Variants in EXOC4 observed in about 807,000 individuals in gnomAD.
EXOC4 encodes the protein SEC8-like 1.
In EXOC4, 71 loss-of-function variants were observed where a neutral mutation model predicts 107.2. The observed-to-expected ratio is 0.66, with a 90% CI of 0.55 to 0.81. The LOEUF is 0.81. EXOC4 is among the 30% of genes least tolerant of loss of function. The pLI, the probability that EXOC4 is intolerant of heterozygous loss-of-function variation, is 0.00. For synonymous variants in EXOC4, 456 were observed against 441.2 expected (o/e 1.03, Z -0.42); for missense variants, 1,108 against 1,189.6 (o/e 0.93, Z 1.01).
chr7:133,912,562 A>G (rs1219020398), intron 12 of EXOC4, among the ~76,000 whole-genome samples: 1 of 152,208 alleles, frequency 6.6e-6, no homozygotes, highest in Non-Finnish European at 1.5e-5. Context: ...TAAAACGGAA[A>G]CCATTAAGAT....
At chr7:134,052,629 A>G (rs1472811566) in intron 17 of EXOC4, among the ~76,000 whole-genome samples, 8 of 152,244 alleles carry the variant, frequency 5.3e-5, no homozygotes, top group Non-Finnish European at 1.2e-4. Context: ...CATTTGTATT[A>G]TATCACATAG....
chr7:133,531,787 T>G (rs1252825656), intron 9 of EXOC4, among the ~76,000 whole-genome samples: 1 of 152,122 alleles, frequency 6.6e-6, no homozygotes, highest in East Asian at 1.9e-4. Flanking sequence ...TCAAAAAATC[T>G]TCCTTTTGAA....
intron 14 of EXOC4, among the ~76,000 whole-genome samples, chr7:133,953,539 T>C (rs953911338): frequency 3.3e-5 from 5 of 152,060 alleles, no homozygotes; most frequent in South Asian, 2.1e-4. Flanking sequence ...TGGTCCCAGC[T>C]ACTAGGGAGG....
chr7:133,817,209 G>T, intron 10 of EXOC4, 116 bp from the exon 11 acceptor site: 3 of 660,140 alleles, frequency 4.5e-6, no homozygotes, highest in Non-Finnish European at 5.3e-6. Flanking sequence ...GAGTATTATT[G>T]ATGACCTGCC....
rs2150793459 is a variant in EXOC4 at position 133,442,289 on chromosome 7, A to T, written c.1183-33039A>T. 2.0e-5 allele frequency among the ~76,000 whole-genome samples: 3 copies of T among 152,330 alleles called. 1 individual carries two copies. In the South Asian group the frequency reaches 6.2e-4, roughly 32 times the overall value. ...GCCTAGCGTGAAGTGAGGGGAACAG[A>T]ATAAGGACAATGAGAATAGAAAGAG... On this transcript the variant is annotated intron_variant, in intron 7 of 17. Transcript: ENST00000253861.
intron 17 of EXOC4, among the ~76,000 whole-genome samples, chr7:134,048,095 A>G (rs1795697417): frequency 1.3e-5 from 2 of 152,236 alleles, no homozygotes; most frequent in Admixed American, 1.3e-4. Context: ...ACATTTCCCA[A>G]GTGGGGGCCA....
At chr7:133,321,762 C>T (rs767434551) in intron 5 of EXOC4, among the ~76,000 whole-genome samples, 17 of 152,084 alleles carry the variant, frequency 1.1e-4, no homozygotes, top group Admixed American at 2.6e-4. Flanking sequence ...CAGGGTCAAA[C>T]GGTATTTTTG....
the EXOC4 span, among the ~76,000 whole-genome samples, chr7:134,089,310 A>G: frequency 1.3e-5 from 2 of 152,330 alleles, no homozygotes; most frequent in African/African-American, 2.4e-5. Flanking sequence ...ATGACTTCTT[A>G]TAATCTTTTA....
chr7:133,325,593 T>C (rs1253263284), intron 5 of EXOC4, among the ~76,000 whole-genome samples: 2 of 152,258 alleles, frequency 1.3e-5, no homozygotes, highest in Admixed American at 6.5e-5. Flanking sequence ...GTTAGTCTGA[T>C]GGGCTTCCCT....
At chr7:133,897,155 A>C (rs1212996808) in intron 12 of EXOC4, among the ~76,000 whole-genome samples, 1 of 151,954 alleles carries the variant, frequency 6.6e-6, no homozygotes, top group Non-Finnish European at 1.5e-5. Context: ...GCAAGGAAGC[A>C]GTGTTTACGG....
chr7:133,926,518 C>T (rs1156312995), intron 13 of EXOC4, among the ~76,000 whole-genome samples: 1 of 152,078 alleles, frequency 6.6e-6, no homozygotes, highest in Non-Finnish European at 1.5e-5. Context: ...TCTCTCCTTT[C>T]CAATAACAGG....
intron 7 of EXOC4, among the ~76,000 whole-genome samples, chr7:133,443,945 G>C (rs1798161177): frequency 6.6e-6 from 1 of 152,180 alleles, no homozygotes. Context: ...TGCCAGGCAG[G>C]ACCAGGGACA....
At chr7:133,823,606 G>C (rs1018105081) in intron 11 of EXOC4, among the ~76,000 whole-genome samples, 1 of 151,300 alleles carries the variant, frequency 6.6e-6, no homozygotes, top group African/African-American at 2.4e-5. Context: ...CTTGAGGTCA[G>C]CAGTTCAAGA....
At chr7:134,002,612 TTAA>T (rs763218297) in intron 15 of EXOC4, among the ~76,000 whole-genome samples, 2 of 152,022 alleles carry the variant, frequency 1.3e-5, no homozygotes, top group African/African-American at 4.8e-5. Flanking sequence ...CTCTCAAAAC[TTAA>T]TAATAAGAAA....
chr7:133,568,899 C>T (rs1800962284), intron 9 of EXOC4, among the ~76,000 whole-genome samples: 1 of 152,100 alleles, frequency 6.6e-6, no homozygotes, highest in South Asian at 2.1e-4. Context: ...AGAACAGATA[C>T]AGTCTGAATT....
chr7:133,992,116 G>A (rs574264040), intron 14 of EXOC4, among the ~76,000 whole-genome samples: 2 of 152,164 alleles, frequency 1.3e-5, no homozygotes, highest in African/African-American at 4.8e-5. Flanking sequence ...TTTTGTGTGT[G>A]TGTCTTCAAT....
chr7:133,691,170 T>G (rs1373062169), intron 10 of EXOC4, among the ~76,000 whole-genome samples: 2 of 152,184 alleles, frequency 1.3e-5, no homozygotes, highest in African/African-American at 2.4e-5. Flanking sequence ...ACAGATGCAA[T>G]TAAGTAAGCT....
At chr7:133,374,375 A>T (rs6952293) in intron 6 of EXOC4, among the ~76,000 whole-genome samples, 9,613 of 152,144 alleles carry the variant, frequency 0.063, 1,063 homozygotes, top group African/African-American at 0.22. Flanking sequence ...TTCCATGACT[A>T]AATGGATTAA....
chr7:133,977,764 G>A (rs1003752592), intron 14 of EXOC4, among the ~76,000 whole-genome samples: 1 of 151,330 alleles, frequency 6.6e-6, no homozygotes, highest in Non-Finnish European at 1.5e-5. Flanking sequence ...GTGTGTGTGT[G>A]TGTTTGTTTG....
Sources: gnomAD v4.1 joint callset for allele counts (sites outside exome capture counted in the v4.1 genomes callset) on GRCh38, gnomAD v4.1.1 for gene constraint, MANE v1.5 for transcripts, NCBI Gene and HGNC (gene_info 2026-07-23, HGNC 2026-07-21) for gene names.